VAMP1: variants seen among roughly 807,000 people sequenced by gnomAD.
The protein encoded by VAMP1 is vesicle-associated membrane protein 1.
Under a neutral mutation model 19.1 loss-of-function variants are expected in VAMP1, and 16 were observed. The ratio of observed to expected loss-of-function variants is 0.84; its 90% CI spans 0.57 to 1.27. VAMP1 has a LOEUF of 1.27. VAMP1 is among the 50% of genes most tolerant of loss of function. The pLI is 0.00. For missense variants in VAMP1, 109 were observed against 145.4 expected, an observed-to-expected ratio of 0.75 and a Z score of 1.29; for synonymous variants, 37 against 50.2, an observed-to-expected ratio of 0.74 and a Z score of 1.11.
In VAMP1 at chr12:6,464,395, T is replaced by C; in HGVS notation, c.*75A>G. The C allele has an allele frequency of 6.4e-7, 1 of 1,554,652 alleles. No homozygotes were observed. The highest frequency in any genetic ancestry group is 1.2e-5 in the South Asian group (1 of 84,220). On this transcript the variant is annotated 3_prime_UTR_variant, in exon 5 of 5. Transcript: ENST00000396308. ...ATGGAGGACGGTGGGTGGGGAAGTG[T>C]GTTGAGAGAGCAAACAGAGGGCAGA...
chr12:6,467,982 G>A (rs989478019), intron 1 of VAMP1, among the ~76,000 whole-genome samples: 2 of 152,270 alleles, frequency 1.3e-5, no homozygotes, highest in African/African-American at 4.8e-5. Flanking sequence ...GGAAACGCCT[G>A]GATGTCCAGG....
In VAMP1 at chr12:6,470,465, G is replaced by A. The variant is rs1308280149; in HGVS notation, c.2+65C>T. On this transcript the variant is annotated intron_variant, in intron 1 of 4. Coordinates refer to ENST00000396308, the MANE Select transcript of VAMP1 (RefSeq NM_014231.5). ...GCATTGCGCCATTTTCCGTCCCGCA[G>A]AATCGGGAGCTTGGGGCGAGAGTTG... 2.5e-6 allele frequency: 4 copies of A among 1,610,244 alleles called. No homozygotes were observed. The African/African-American group carries it at 4.0e-5, about 16-fold the overall frequency.
intron 1 of VAMP1, among the ~76,000 whole-genome samples, chr12:6,470,181 T>C (rs1036405295): frequency 6.6e-6 from 1 of 152,108 alleles, no homozygotes; most frequent in Non-Finnish European, 1.5e-5. Flanking sequence ...GAAATACCTT[T>C]CGAGTCCCCT....
chr12:6,466,644 C>T lies in VAMP1; in HGVS notation c.3-293G>A, dbSNP rs547420150. 1.7e-4 allele frequency: 43 copies of T among 254,286 alleles called. No individual in the cohort carries two copies. In the East Asian group the frequency reaches 4.5e-3, roughly 27 times the overall value. 15.8% of individuals were successfully genotyped at this position (254,286 alleles called of 1,614,324 possible). On this transcript the variant is annotated intron_variant, in intron 1 of 4. Transcript: ENST00000396308. The stretch of plus-strand genomic sequence containing the variant: ...TGGCAATCTGAAGTAGGGAGACAAA[C>T]CATAGAGGCAAGAAGTAAAAGATGA...
Position 6,465,358 on chromosome 12 carries a change from GTATA to G in VAMP1, c.289-421_289-418del, listed in dbSNP as rs10623425. ...GCTGATTTAAAAGAAAAAGAAAAAA[GTATA>G]TATATATATAAATGTATATATATGT... is the stretch of plus-strand genomic sequence containing the variant. On this transcript the variant is annotated intron_variant, in intron 3 of 4. Transcript: ENST00000396308. 2.9e-4 allele frequency: 43 copies of G among 146,784 alleles called. 1 individual carries two copies. Among genetic ancestry groups the G allele is most frequent in the South Asian group, 2.3e-3 (41 of 17,666 alleles). The allele number at this position is 146,784 out of a possible 1,614,324, so 9.1% of individuals were successfully genotyped here.
At chr12:6,464,598 C>G in intron 4 of VAMP1, 112 bp from the exon 5 acceptor site, 1 of 1,458,748 alleles carries the variant, frequency 6.9e-7, no homozygotes, top group East Asian at 2.5e-5. Flanking sequence ...TTGTTAAGTG[C>G]CCCATCCCCA....
At chr12:6,464,711 C>G in intron 4 of VAMP1, 179 bp downstream of exon 4, 1 of 1,509,062 alleles carries the variant, frequency 6.6e-7, no homozygotes, top group South Asian at 1.4e-5. Context: ...AAGGCTTGTC[C>G]ATCAAAGAAA....
chr12:6,467,817 C>T (rs1346634128), intron 1 of VAMP1, among the ~76,000 whole-genome samples: 1 of 152,250 alleles, frequency 6.6e-6, no homozygotes. Context: ...GCCGCTCCCA[C>T]TGTGGCTGAG....
Position 6,463,612 on chromosome 12 carries a change from A to T in VAMP1, c.*858T>A. The stretch of plus-strand genomic sequence containing the variant: ...CACTGTTTCTCTATAACTAACAGGC[A>T]ATCTCTCTCTTTATGCCAACAATTA... On this transcript the variant is annotated 3_prime_UTR_variant, in exon 5 of 5. Transcript: ENST00000396308. The surrounding 1 kb of genome is among the most constrained non-coding windows in gnomAD (Gnocchi z 4.0). 9.3e-7 allele frequency: 1 copy of T among 1,080,978 alleles called. No homozygotes were observed. 67.0% of individuals were successfully genotyped at this position (1,080,978 alleles called of 1,614,324 possible). A position where few individuals can be genotyped will look rare whatever the true frequency, so the allele number is the denominator to read the frequency against.
At chr12:6,468,448 G>A (rs1232190151) in intron 1 of VAMP1, among the ~76,000 whole-genome samples, 2 of 152,180 alleles carry the variant, frequency 1.3e-5, no homozygotes, top group East Asian at 3.8e-4. Flanking sequence ...AGAGAAAATG[G>A]GGGTTTCACT....
chr12:6,467,110 TCCAATTAAAC>T (rs1950041392), intron 1 of VAMP1: 1 of 166,326 alleles, frequency 6.0e-6, no homozygotes, highest in African/African-American at 2.4e-5. Flanking sequence ...GAACTGTAAG[TCCAATTAAAC>T]CTCTTTTTCT....
In VAMP1 at chr12:6,462,821, C is replaced by T. The variant is rs1303068429; in HGVS notation, c.*1649G>A. On this transcript the variant is annotated 3_prime_UTR_variant, in exon 5 of 5. Coordinates refer to ENST00000396308, the MANE Select transcript of VAMP1 (RefSeq NM_014231.5). ...CCGTTGGGAGGGTACTGACTGCTTT[C>T]TTCCAGCTCTTCAGTCCCGCCCTTG... is the stretch of plus-strand genomic sequence containing the variant. The T allele has an allele frequency of 1.2e-6, 2 of 1,604,142 alleles. No homozygotes were observed. Among genetic ancestry groups the T allele is most frequent in the South Asian group, 1.1e-5 (1 of 89,128 alleles).
chr12:6,465,752 T>C, intron 3 of VAMP1, 90 bp downstream of exon 3: 1 of 1,519,474 alleles, frequency 6.6e-7, no homozygotes. Flanking sequence ...CCTGCACCAT[T>C]AGAGGGAAGA....
chr12:6,467,274 C>G (rs1171740023), intron 1 of VAMP1: 1 of 154,994 alleles, frequency 6.5e-6, no homozygotes, highest in Non-Finnish European at 1.4e-5. Context: ...GAGGATGGAA[C>G]AGTTTGGAGG....
rs1234156853 is a variant in VAMP1 at position 6,463,377 on chromosome 12, C to T, written c.*1093G>A. On this transcript the variant is annotated 3_prime_UTR_variant, in exon 5 of 5. Coordinates refer to ENST00000396308, the MANE Select transcript of VAMP1 (RefSeq NM_014231.5). This position sits in a 1 kb window ranked among gnomAD's most constrained non-coding sequence, Gnocchi z 4.0. Reference sequence around the variant, plus strand: ...ACTTCTCTGCATCCTGAGGATCGGCCGGGCCCCAGGAAGAACCACTTGCCT... The same window carrying T: ...ACTTCTCTGCATCCTGAGGATCGGCTGGGCCCCAGGAAGAACCACTTGCCT... 8.3e-6 allele frequency: 9 copies of T among 1,086,642 alleles called. No individual in the cohort carries two copies. The highest frequency in any genetic ancestry group is 7.5e-5 in the East Asian group (1 of 13,306). The allele number at this position is 1,086,642 out of a possible 1,614,324, so 67.3% of individuals were successfully genotyped here.
Position 6,463,373 on chromosome 12 carries a change from C to A in VAMP1, c.*1097G>T. 1 of 1,088,930 alleles carries A rather than the reference C, an allele frequency of 9.2e-7. No individual in the cohort carries two copies. The highest frequency in any genetic ancestry group is 1.1e-6 in the Non-Finnish European group (1 of 892,514). 67.5% of individuals were successfully genotyped at this position (1,088,930 alleles called of 1,614,324 possible). A position where few individuals can be genotyped will look rare whatever the true frequency, so the allele number is the denominator to read the frequency against. On this transcript the variant is annotated 3_prime_UTR_variant, in exon 5 of 5. Transcript: ENST00000396308. This position sits in a 1 kb window ranked among gnomAD's most constrained non-coding sequence, Gnocchi z 4.0. ...CATGACTTCTCTGCATCCTGAGGAT[C>A]GGCCGGGCCCCAGGAAGAACCACTT...
In VAMP1 at chr12:6,462,726, C is replaced by G. The variant is rs1025840896; in HGVS notation, c.*1744G>C. On this transcript the variant is annotated 3_prime_UTR_variant, in exon 5 of 5. Transcript: ENST00000396308. ...GGACACATCGAGGACAGTGGTGGTT[C>G]TTCTCCAGCGGTGACCCCCTGCATT... The G allele has an allele frequency of 2.4e-5, 29 of 1,227,544 alleles. No homozygotes were observed. Among genetic ancestry groups the G allele is most frequent in the Non-Finnish European group, 3.3e-5 (29 of 885,028 alleles). 76.0% of individuals were successfully genotyped at this position (1,227,544 alleles called of 1,614,324 possible).
chr12:6,463,626 T>G lies in VAMP1; in HGVS notation c.*844A>C. ...AACTAACAGGCAATCTCTCTCTTTA[T>G]GCCAACAATTAACTGGGAGCTAGGT... On this transcript the variant is annotated 3_prime_UTR_variant, in exon 5 of 5. Coordinates refer to ENST00000396308, the MANE Select transcript of VAMP1 (RefSeq NM_014231.5). The surrounding 1 kb of genome is among the most constrained non-coding windows in gnomAD (Gnocchi z 4.0). The G allele has an allele frequency of 9.2e-7, 1 of 1,083,812 alleles. No individual in the cohort carries two copies. The highest frequency in any genetic ancestry group is 1.1e-6 in the Non-Finnish European group (1 of 887,490). 67.1% of individuals were successfully genotyped at this position (1,083,812 alleles called of 1,614,324 possible).
chr12:6,468,153 G>A (rs1317177110), intron 1 of VAMP1, among the ~76,000 whole-genome samples: 6 of 152,240 alleles, frequency 3.9e-5, no homozygotes. Context: ...CAGAATGGTA[G>A]ATCCACTGGT....
Sources: gnomAD v4.1 joint callset for allele counts (sites outside exome capture counted in the v4.1 genomes callset) on GRCh38, gnomAD v4.1.1 for gene constraint, Gnocchi (gnomAD v3.1) non-coding constraint, MANE v1.5 for transcripts, NCBI Gene and HGNC (gene_info 2026-07-23, HGNC 2026-07-21) for gene names.